The following ANO5 variants were observed in gnomAD, a reference collection of about 807,000 sequenced individuals.
The protein encoded by ANO5 is anoctamin 5, also known as anoctamin-5.
A neutral mutation model predicts 121.0 loss-of-function variants in ANO5; 109 were observed. The observed-to-expected ratio is 0.90, with a 90% CI of 0.77 to 1.06. ANO5 has a LOEUF of 1.06. ANO5 is among the 50% of genes least tolerant of loss of function. ANO5 has a pLI of 0.00. For synonymous variants in ANO5, 406 were observed against 359.9 expected, an observed-to-expected ratio of 1.13 and a Z score of -1.45; for missense variants, 1,064 against 1,078.5, an observed-to-expected ratio of 0.99 and a Z score of 0.19.
intron 1 of ANO5, among the ~76,000 whole-genome samples, chr11:22,200,570 T>C (rs770999540): frequency 4.6e-5 from 7 of 152,150 alleles, no homozygotes; most frequent in African/African-American, 9.7e-5. Context: ...TTTTTGTTTC[T>C]TTTTGTACTG....
chr11:22,203,446 T>C (rs75581782), intron 1 of ANO5, among the ~76,000 whole-genome samples: 8,669 of 152,110 alleles, frequency 0.057, 813 homozygotes, highest in African/African-American at 0.2. Flanking sequence ...TGAAATCTCA[T>C]GTGGTGAGAA....
chr11:22,212,318 G>T (rs1485931920), intron 3 of ANO5, among the ~76,000 whole-genome samples: 1 of 151,836 alleles, frequency 6.6e-6, no homozygotes, highest in African/African-American at 2.4e-5. Context: ...TGTTTTCAGA[G>T]AAATCTTTCT....
intron 3 of ANO5, among the ~76,000 whole-genome samples, chr11:22,212,499 A>G (rs1324291768): frequency 1.3e-5 from 2 of 151,940 alleles, no homozygotes; most frequent in African/African-American, 4.8e-5. Flanking sequence ...AAAGGTATAT[A>G]TAGTAATTTG....
At chr11:22,220,359 C>T (rs926051594) in intron 4 of ANO5, among the ~76,000 whole-genome samples, 1 of 151,998 alleles carries the variant, frequency 6.6e-6, no homozygotes, top group African/African-American at 2.4e-5. Context: ...CATGAAATCT[C>T]TTTCTTCTGA....
chr11:22,211,654 C>T (rs1852280691), intron 3 of ANO5, among the ~76,000 whole-genome samples: 1 of 151,874 alleles, frequency 6.6e-6, no homozygotes, highest in African/African-American at 2.4e-5. Flanking sequence ...CTGAGGCTTA[C>T]TTAGTTCAGT....
At chr11:22,239,723 A>C in intron 9 of ANO5, 39 bp downstream of exon 9, 2 of 1,460,958 alleles carry the variant, frequency 1.4e-6, no homozygotes, top group Non-Finnish European at 1.9e-6. Context: ...TTAAAACTTG[A>C]TAATGTGATT....
At chr11:22,266,746 GT>G (rs1854380770) in intron 17 of ANO5, among the ~76,000 whole-genome samples, 1 of 151,912 alleles carries the variant, frequency 6.6e-6, no homozygotes, top group South Asian at 2.1e-4. Context: ...TTAATAATAT[GT>G]TTAGGTCACA....
chr11:22,206,178 A>G (rs117077777), intron 2 of ANO5, among the ~76,000 whole-genome samples: 1 of 152,110 alleles, frequency 6.6e-6, no homozygotes. Flanking sequence ...AAAACAAAAA[A>G]CCTAAAAGTT....
intron 2 of ANO5, among the ~76,000 whole-genome samples, chr11:22,206,963 C>T (rs1344408682): frequency 2.6e-5 from 4 of 151,996 alleles, no homozygotes; most frequent in African/African-American, 9.7e-5. Flanking sequence ...AAATAAAATT[C>T]TCCCCATTTC....
At chr11:22,246,506 TGG>T (rs2133690509) in intron 9 of ANO5, among the ~76,000 whole-genome samples, 1 of 152,160 alleles carries the variant, frequency 6.6e-6, no homozygotes, top group South Asian at 2.1e-4. Flanking sequence ...GTTGATTTCA[TGG>T]GTTTTAGTAA....
rs1253554182 is a variant in ANO5 at position 22,264,684 on chromosome 11, A to G, written c.1898+1641A>G. On this transcript the variant is annotated intron_variant, in intron 17 of 21. Coordinates refer to ENST00000324559, the MANE Select transcript of ANO5 (RefSeq NM_213599.3). ...AAATGATGTTGACAATACTAACAACATAAGGAAAGGTGATACTGTCATTAA... is the reference window on the plus strand; with the variant it reads ...AAATGATGTTGACAATACTAACAACGTAAGGAAAGGTGATACTGTCATTAA... 4.6e-5 allele frequency among the ~76,000 whole-genome samples: 7 copies of G among 152,320 alleles called. No homozygotes were observed. In the East Asian group the frequency reaches 1.4e-3, roughly 29 times the overall value.
rs759064817 is a variant in ANO5 at position 22,262,232 on chromosome 11, T to TA, written c.1737dup (p.Gly580ArgfsTer15). On this transcript the variant is annotated frameshift_variant, in exon 16 of 22. Transcript: ENST00000324559. LOFTEE classifies it high-confidence loss of function. ...CATCCTGCTTCTACGTAGCTTTCTT[T>TA]AAAGGGAAGTTCGTAGGCTATCCTG... 2 of 1,613,966 alleles carry TA rather than the reference T, an allele frequency of 1.2e-6. No individual in the cohort carries two copies. The highest frequency in any genetic ancestry group is 3.3e-5 in the Admixed American group (2 of 60,014).
chr11:22,279,532 T>A lies in ANO5; in HGVS notation c.2521-12T>A. The A allele has an allele frequency of 2.5e-6, 4 of 1,599,718 alleles. No homozygotes were observed. Among genetic ancestry groups the A allele is most frequent in the Non-Finnish European group, 3.4e-6 (4 of 1,168,212 alleles). ...CTAACAGCGTCTAATCTTTCCTTTATATTTCCTCTAGCATGTTGTGTTTTT... is the reference window on the plus strand; with the variant it reads ...CTAACAGCGTCTAATCTTTCCTTTAAATTTCCTCTAGCATGTTGTGTTTTT... On this transcript the variant is annotated splice_polypyrimidine_tract_variant and intron_variant, in intron 21 of 21. Coordinates refer to ENST00000324559, the MANE Select transcript of ANO5 (RefSeq NM_213599.3).
intron 17 of ANO5, among the ~76,000 whole-genome samples, chr11:22,269,932 A>G (rs982730528): frequency 6.6e-6 from 1 of 152,114 alleles, no homozygotes; most frequent in African/African-American, 2.4e-5. Flanking sequence ...GTCATTTCCT[A>G]TTATAGTCAA....
chr11:22,217,416 T>C (rs1317631475), intron 3 of ANO5, among the ~76,000 whole-genome samples: 1 of 151,902 alleles, frequency 6.6e-6, no homozygotes, highest in Non-Finnish European at 1.5e-5. Context: ...TGTATTCTAT[T>C]ATATTGCATG....
In ANO5 at chr11:22,262,168, C is replaced by T. The variant is rs1854209465; in HGVS notation, c.1670C>T (p.Thr557Ile). The T allele has an allele frequency of 1.9e-6, 3 of 1,613,920 alleles. No homozygotes were observed. The East Asian group carries it at 6.7e-5, about 36-fold the overall frequency. ...RTYQEYESSL[T>I]LKMFLFQFVN... Reference sequence around the variant, plus strand: ...TACCAGGAGTATGAGAGCAGTCTTACCTTGAAAATGTTCCTGTTTCAGTTT... The same window carrying T: ...TACCAGGAGTATGAGAGCAGTCTTATCTTGAAAATGTTCCTGTTTCAGTTT... The change falls in exon 16 of 22, where the codon ACC (threonine) becomes ATC (isoleucine). Residue 557 changes from threonine to isoleucine, a missense_variant. Transcript: ENST00000324559.
At chr11:22,257,300 G>A (rs1020086170) in intron 13 of ANO5, among the ~76,000 whole-genome samples, 4 of 152,066 alleles carry the variant, frequency 2.6e-5, no homozygotes, top group African/African-American at 9.7e-5. Flanking sequence ...ATCATGCAGA[G>A]CAATGTAATT....
At chr11:22,237,195 C>T (rs983338016) in intron 8 of ANO5, among the ~76,000 whole-genome samples, 3 of 152,008 alleles carry the variant, frequency 2.0e-5, no homozygotes, top group Non-Finnish European at 4.4e-5. Context: ...GATGTATTCT[C>T]TTTGTAAGAA....
intron 7 of ANO5, among the ~76,000 whole-genome samples, chr11:22,234,373 T>C (rs1853145885): frequency 6.6e-6 from 1 of 152,306 alleles, no homozygotes; most frequent in East Asian, 1.9e-4. Context: ...AGGGGGATTG[T>C]CTTCATAAGC....
Sources: gnomAD v4.1 joint callset for allele counts (sites outside exome capture counted in the v4.1 genomes callset) on GRCh38, gnomAD v4.1.1 for gene constraint, MANE v1.5 for transcripts, NCBI Gene and HGNC (gene_info 2026-07-23, HGNC 2026-07-21) for gene names.